HS3ST3A1: variants seen among roughly 807,000 people sequenced by gnomAD.
HS3ST3A1 encodes heparan sulfate-glucosamine 3-sulfotransferase 3A1.
Under a neutral mutation model 25.7 loss-of-function variants are expected in HS3ST3A1, and 19 were observed. The observed-to-expected ratio is 0.74, with a 90% CI of 0.52 to 1.08. The LOEUF is 1.08. Ranked by LOEUF, HS3ST3A1 falls within the 50% of genes least tolerant of loss-of-function variation. HS3ST3A1 has a pLI of 0.00. For missense variants in HS3ST3A1, 459 were observed against 594.3 expected (o/e 0.77, Z 2.37); for synonymous variants, 226 against 278.6 (o/e 0.81, Z 1.88).
At chr17:13,583,340 C>T (rs1342683049) in intron 1 of HS3ST3A1, among the ~76,000 whole-genome samples, 1 of 152,130 alleles carries the variant, frequency 6.6e-6, no homozygotes, top group Non-Finnish European at 1.5e-5. Flanking sequence ...TCCTCTGCTG[C>T]AGTTGTGTGG....
At chr17:13,549,015 C>A (rs1300489999) in intron 1 of HS3ST3A1, among the ~76,000 whole-genome samples, 3 of 152,214 alleles carry the variant, frequency 2.0e-5, no homozygotes, top group Non-Finnish European at 4.4e-5. Flanking sequence ...TGCTCCGGTC[C>A]CTTGCCACAC....
In HS3ST3A1 at chr17:13,600,883, C is replaced by G. The variant is rs1458076075; in HGVS notation, c.247G>C (p.Ala83Pro). 2 of 1,474,566 alleles carry G rather than the reference C, an allele frequency of 1.4e-6. No homozygotes were observed. Among genetic ancestry groups the G allele is most frequent in the East Asian group, 2.9e-5 (1 of 34,932 alleles). The allele number at this position is 1,474,566 out of a possible 1,614,324, so 91.3% of individuals were successfully genotyped here. Residue 83 changes from alanine to proline, a missense_variant, in exon 1 of 2, where the codon GCG becomes CCG. Coordinates refer to ENST00000284110, the MANE Select transcript of HS3ST3A1 (RefSeq NM_006042.3). ...AGGAGGCGCTTTCTCTGTGCCGCCG[C>G]CGGCCACACCGCCAGCTCCCTCGGG... ...GGPRELAVWP[A>P]AAQRKRLLQL...
chr17:13,532,120 A>C (rs1179682597), intron 1 of HS3ST3A1, among the ~76,000 whole-genome samples: 1 of 152,212 alleles, frequency 6.6e-6, no homozygotes, highest in Non-Finnish European at 1.5e-5. Flanking sequence ...GACTTGAAAC[A>C]GCGTACTTTA....
At chr17:13,511,064 G>T (rs539828247) in intron 1 of HS3ST3A1, among the ~76,000 whole-genome samples, 1 of 152,150 alleles carries the variant, frequency 6.6e-6, no homozygotes, top group Non-Finnish European at 1.5e-5. Flanking sequence ...TCTTAGTGCA[G>T]CTGTACCACG....
intron 1 of HS3ST3A1, 109 bp from the exon 2 acceptor site, chr17:13,496,927 C>T (rs1379714996): frequency 5.5e-6 from 8 of 1,455,846 alleles, no homozygotes; most frequent in Admixed American, 2.4e-5. Flanking sequence ...CCCGCAACCC[C>T]CCACTTGCTA....
At chr17:13,595,088 T>A (rs993489275) in intron 1 of HS3ST3A1, among the ~76,000 whole-genome samples, 1 of 151,802 alleles carries the variant, frequency 6.6e-6, no homozygotes, top group Admixed American at 6.6e-5. Context: ...CACTTCCCCG[T>A]CTCTTTTCAC....
chr17:13,594,036 A>C (rs2142395538), intron 1 of HS3ST3A1, among the ~76,000 whole-genome samples: 1 of 152,216 alleles, frequency 6.6e-6, no homozygotes, highest in Non-Finnish European at 1.5e-5. Context: ...TATGATCCTG[A>C]CACTTTTGAA....
intron 1 of HS3ST3A1, among the ~76,000 whole-genome samples, chr17:13,579,803 TC>T (rs1246997445): frequency 6.7e-6 from 1 of 149,774 alleles, no homozygotes; most frequent in South Asian, 2.1e-4. Context: ...AAACCCTGTC[TC>T]TACTAAAACT....
intron 1 of HS3ST3A1, among the ~76,000 whole-genome samples, chr17:13,574,586 C>T (rs556642597): frequency 5.8e-4 from 88 of 151,622 alleles, no homozygotes; most frequent in Non-Finnish European, 9.6e-4. Context: ...GACATGGTGG[C>T]GGGCGCCTGT....
chr17:13,574,401 G>C (rs1042649431), intron 1 of HS3ST3A1, among the ~76,000 whole-genome samples: 2 of 151,128 alleles, frequency 1.3e-5, no homozygotes, highest in African/African-American at 4.9e-5. Context: ...ACAGGCCTGA[G>C]CCACTGCGCC....
At chr17:13,504,680 A>G (rs1467331629) in intron 1 of HS3ST3A1, among the ~76,000 whole-genome samples, 1 of 152,232 alleles carries the variant, frequency 6.6e-6, no homozygotes, top group East Asian at 1.9e-4. Context: ...ATGGACCAAT[A>G]TCCCATAATG....
chr17:13,510,210 T>C (rs913688693), intron 1 of HS3ST3A1, among the ~76,000 whole-genome samples: 1 of 152,226 alleles, frequency 6.6e-6, no homozygotes, highest in African/African-American at 2.4e-5. Flanking sequence ...ATCTGCGCTC[T>C]TGACAGGAGT....
chr17:13,542,542 C>T (rs560251393), intron 1 of HS3ST3A1, among the ~76,000 whole-genome samples: 10 of 152,124 alleles, frequency 6.6e-5, no homozygotes, highest in African/African-American at 2.4e-4. Flanking sequence ...TCTCAGACTT[C>T]CAGCCTCCAG....
intron 1 of HS3ST3A1, among the ~76,000 whole-genome samples, chr17:13,497,390 T>C (rs1905318706): frequency 6.6e-6 from 1 of 152,252 alleles, no homozygotes; most frequent in South Asian, 2.1e-4. Flanking sequence ...AATGCCATCA[T>C]TATCATATTC....
chr17:13,514,832 T>C (rs1054858362), intron 1 of HS3ST3A1, among the ~76,000 whole-genome samples: 2 of 152,244 alleles, frequency 1.3e-5, no homozygotes, highest in Non-Finnish European at 2.9e-5. Context: ...CTGGATTTCA[T>C]AGAGTTGTCT....
intron 1 of HS3ST3A1, among the ~76,000 whole-genome samples, chr17:13,537,506 C>G (rs1906805890): frequency 6.6e-6 from 1 of 152,180 alleles, no homozygotes; most frequent in Admixed American, 6.5e-5. Flanking sequence ...ACGTGAAGCT[C>G]TTATCATCTT....
At chr17:13,506,756 T>G (rs914451082) in intron 1 of HS3ST3A1, among the ~76,000 whole-genome samples, 1 of 151,960 alleles carries the variant, frequency 6.6e-6, no homozygotes, top group African/African-American at 2.4e-5. Flanking sequence ...CACGTTGAAA[T>G]GAGATGTCAA....
intron 1 of HS3ST3A1, among the ~76,000 whole-genome samples, chr17:13,516,224 C>T (rs542139076): frequency 1.1e-4 from 17 of 152,170 alleles, no homozygotes; most frequent in South Asian, 1.0e-3. Context: ...GCAGGAGAAT[C>T]GCTTGAACCC....
rs1041317397 is a variant in HS3ST3A1 at position 13,569,503 on chromosome 17, C to T, written c.599+31028G>A. ...TGCTGCGAGACATGGCAGATACACA[C>T]ACCAGTCCCAGCCCTCCACCGGAGA... On this transcript the variant is annotated intron_variant, in intron 1 of 1. Transcript: ENST00000284110. 2.0e-5 allele frequency among the ~76,000 whole-genome samples: 3 copies of T among 152,220 alleles called. No individual in the cohort carries two copies. In the East Asian group the frequency reaches 5.8e-4, roughly 29 times the overall value.
Sources: gnomAD v4.1 joint callset for allele counts (sites outside exome capture counted in the v4.1 genomes callset) on GRCh38, gnomAD v4.1.1 for gene constraint, MANE v1.5 for transcripts, NCBI Gene and HGNC (gene_info 2026-07-23, HGNC 2026-07-21) for gene names.